The following RPH3A variants were observed in gnomAD, a reference collection of about 807,000 sequenced individuals.
RPH3A encodes rabphilin-3A.
Under a neutral mutation model 102.2 loss-of-function variants are expected in RPH3A, and 48 were observed. The ratio of observed to expected loss-of-function variants is 0.47; its 90% CI spans 0.37 to 0.60. The LOEUF is 0.60. Among genes scored for constraint, RPH3A ranks in the 20% least tolerant of loss-of-function variants. RPH3A has a pLI of 0.00. For missense variants in RPH3A, 781 were observed against 910.1 expected, an observed-to-expected ratio of 0.86 and a Z score of 1.83; for synonymous variants, 310 against 324.3, an observed-to-expected ratio of 0.96 and a Z score of 0.47.
chr12:112,876,370 G>C (rs888880484), intron 12 of RPH3A, among the ~76,000 whole-genome samples: 2 of 152,194 alleles, frequency 1.3e-5, no homozygotes, highest in Non-Finnish European at 2.9e-5. Flanking sequence ...GAGACATTAA[G>C]TAATTTGCCG....
At chr12:112,594,828 AT>A (rs2039505267) in intron 1 of RPH3A, among the ~76,000 whole-genome samples, 1 of 152,224 alleles carries the variant, frequency 6.6e-6, no homozygotes, top group Admixed American at 6.5e-5. Flanking sequence ...GCATAAAGGT[AT>A]TGATTAATTA....
rs12306505 is a variant in RPH3A, at chr12:112,826,124, C to T, written c.-18-2177C>T. On this transcript the variant is annotated intron_variant, in intron 2 of 21. Coordinates refer to ENST00000389385, the MANE Select transcript of RPH3A (RefSeq NM_001143854.2). ...ACCCCGCTGTGGGAGCTGTTTTAAA[C>T]TGAGCGGTCAGGGAGGCCCTCTTGG... Among the ~76,000 whole-genome samples the T allele has an allele frequency of 4.6e-3, 700 of 152,184 alleles. 6 individuals are homozygous for T. Among genetic ancestry groups the T allele is most frequent in the African/African-American group, 0.016 (672 of 41,496 alleles).
intron 2 of RPH3A, among the ~76,000 whole-genome samples, chr12:112,805,857 T>C (rs900276853): frequency 1.3e-5 from 2 of 152,218 alleles, no homozygotes; most frequent in Non-Finnish European, 2.9e-5. Context: ...TCTACTAACA[T>C]GTAAATCACA....
chr12:112,833,396 C>A (rs1342116774), intron 3 of RPH3A, among the ~76,000 whole-genome samples: 1 of 152,166 alleles, frequency 6.6e-6, no homozygotes, highest in African/African-American at 2.4e-5. Flanking sequence ...CCATGTAGGT[C>A]TTTTATTTGT....
intron 1 of RPH3A, among the ~76,000 whole-genome samples, chr12:112,784,576 C>A (rs926560442): frequency 6.6e-6 from 1 of 152,156 alleles, no homozygotes; most frequent in Non-Finnish European, 1.5e-5. Flanking sequence ...ATCAAAAGTT[C>A]TAAGAATAAT....
chr12:112,613,807 G>C (rs2135975814), intron 1 of RPH3A, among the ~76,000 whole-genome samples: 1 of 152,268 alleles, frequency 6.6e-6, no homozygotes, highest in African/African-American at 2.4e-5. Context: ...AGCTGGATGT[G>C]GTGGTACACG....
In RPH3A at chr12:112,706,702, AT is replaced by A. The variant is rs555286001; in HGVS notation, c.-139-85440del. Among the ~76,000 whole-genome samples, 8 of 152,342 alleles carry A rather than the reference AT, an allele frequency of 5.3e-5. No homozygotes were observed. The South Asian group carries it at 1.7e-3, about 32-fold the overall frequency. On this transcript the variant is annotated intron_variant, in intron 1 of 21. Coordinates refer to the RPH3A transcript ENST00000543106. ...CTTGTTTGCAAGTAACAGAAAAGAA[AT>A]CTGTTTTTCTTAAGCCAGGGATGGG...
chr12:112,769,847 T>A (rs2040915768), intron 1 of RPH3A, among the ~76,000 whole-genome samples: 1 of 152,216 alleles, frequency 6.6e-6, no homozygotes, highest in Non-Finnish European at 1.5e-5. Flanking sequence ...AAATGAGATT[T>A]ACAAATAAGG....
At chr12:112,727,121 G>A (rs371998466) in intron 1 of RPH3A, among the ~76,000 whole-genome samples, 6 of 151,910 alleles carry the variant, frequency 3.9e-5, no homozygotes, top group South Asian at 2.1e-4. Flanking sequence ...AGAAATCAGC[G>A]TTCACCTATT....
chr12:112,616,794 C>T (rs1237871463), intron 1 of RPH3A, among the ~76,000 whole-genome samples: 3 of 152,186 alleles, frequency 2.0e-5, no homozygotes. Context: ...GATCAGCTGT[C>T]AGATGCCTTA....
At chr12:112,890,787 GC>G (rs1233322386) in intron 18 of RPH3A, 61 bp from the exon 19 acceptor site, 7 of 1,560,390 alleles carry the variant, frequency 4.5e-6, no homozygotes, top group African/African-American at 1.4e-5. Flanking sequence ...CCTAATGCTC[GC>G]CATTCACATT....
intron 11 of RPH3A, 97 bp from the exon 12 acceptor site, chr12:112,875,582 C>A: frequency 9.6e-7 from 1 of 1,044,230 alleles, no homozygotes; most frequent in Non-Finnish European, 1.5e-6. Context: ...TGCCTTCGGG[C>A]CTGTGTCCAC....
rs182167033 is a variant in RPH3A, at chr12:112,669,573, C to G, written c.-140+94254C>G. On this transcript the variant is annotated intron_variant, in intron 1 of 21. Transcript: ENST00000543106. ...ATAGAGTAAAAAGTGAAAGAATTCT[C>G]TCACCCTCTCACAATCCACAAAGCC... Among the ~76,000 whole-genome samples, 410 of 152,312 alleles carry G rather than the reference C, an allele frequency of 2.7e-3. 3 individuals are homozygous for G. The highest frequency in any genetic ancestry group is 9.4e-3 in the African/African-American group (389 of 41,572).
At chr12:112,767,800 G>A (rs1203649699) in intron 1 of RPH3A, among the ~76,000 whole-genome samples, 1 of 152,130 alleles carries the variant, frequency 6.6e-6, no homozygotes, top group Non-Finnish European at 1.5e-5. Context: ...ACTGAAGCAC[G>A]AATATGTGCT....
intron 1 of RPH3A, among the ~76,000 whole-genome samples, chr12:112,642,542 C>A (rs561671802): frequency 6.6e-6 from 1 of 152,160 alleles, no homozygotes; most frequent in Admixed American, 6.5e-5. Flanking sequence ...CAATTCTATA[C>A]AATCAGTATG....
At chr12:112,733,369 T>C (rs1197781971) in intron 1 of RPH3A, among the ~76,000 whole-genome samples, 2 of 152,076 alleles carry the variant, frequency 1.3e-5, no homozygotes, top group Non-Finnish European at 2.9e-5. Context: ...GGTTGTGAGG[T>C]GTGTTAGGCC....
intron 4 of RPH3A, among the ~76,000 whole-genome samples, chr12:112,843,713 G>A (rs1166052265): frequency 1.3e-5 from 2 of 152,150 alleles, no homozygotes; most frequent in Non-Finnish European, 2.9e-5. Flanking sequence ...TTCAGTTTTG[G>A]TCACTGAGCT....
intron 1 of RPH3A, among the ~76,000 whole-genome samples, chr12:112,646,391 T>C (rs907785114): frequency 2.0e-5 from 3 of 152,178 alleles, no homozygotes; most frequent in African/African-American, 4.8e-5. Context: ...TGTCCCCCCA[T>C]GGAAGAGGCT....
chr12:112,812,250 A>G (rs887316188), intron 2 of RPH3A, among the ~76,000 whole-genome samples: 3 of 152,104 alleles, frequency 2.0e-5, no homozygotes, highest in African/African-American at 4.8e-5. Flanking sequence ...TCAGAACACC[A>G]CGGTCTGAGG....
Sources: gnomAD v4.1 joint callset for allele counts (sites outside exome capture counted in the v4.1 genomes callset) on GRCh38, gnomAD v4.1.1 for gene constraint, MANE v1.5 for transcripts, NCBI Gene and HGNC (gene_info 2026-07-23, HGNC 2026-07-21) for gene names.